Variants in DDAH1 observed in about 807,000 individuals in gnomAD.
The protein encoded by DDAH1 is dimethylarginine dimethylaminohydrolase 1.
Under a neutral mutation model 28.8 loss-of-function variants are expected in DDAH1, and 19 were observed. The ratio of observed to expected loss-of-function variants is 0.66; its 90% CI spans 0.46 to 0.97. The LOEUF is 0.97. Ranked by LOEUF, DDAH1 falls within the 50% of genes least tolerant of loss-of-function variation. The pLI, the probability that DDAH1 is intolerant of heterozygous loss-of-function variation, is 0.00. For missense variants in DDAH1, 326 were observed against 375.9 expected, an observed-to-expected ratio of 0.87 and a Z score of 1.10; for synonymous variants, 153 against 154.4, an observed-to-expected ratio of 0.99 and a Z score of 0.07.
chr1:85,490,149 G>A (rs568405287), intron 2 of DDAH1, among the ~76,000 whole-genome samples: 1 of 152,122 alleles, frequency 6.6e-6, no homozygotes, highest in South Asian at 2.1e-4. Flanking sequence ...ATTTAGTGCT[G>A]GAAAAGACTA....
chr1:85,450,490 A>T (rs1428030025), intron 1 of DDAH1, among the ~76,000 whole-genome samples: 1 of 152,192 alleles, frequency 6.6e-6, no homozygotes, highest in African/African-American at 2.4e-5. Context: ...TATTGGTCAA[A>T]TCTAGTCAAT....
At chr1:85,378,029 C>G (rs1277232574) in intron 1 of DDAH1, among the ~76,000 whole-genome samples, 1 of 152,090 alleles carries the variant, frequency 6.6e-6, no homozygotes, top group African/African-American at 2.4e-5. Flanking sequence ...TTCCTTATTT[C>G]AATCATATTT....
At chr1:85,511,374 A>G (rs1657226319) in intron 1 of DDAH1, among the ~76,000 whole-genome samples, 1 of 152,242 alleles carries the variant, frequency 6.6e-6, no homozygotes, top group Non-Finnish European at 1.5e-5. Context: ...AATTTATAGC[A>G]CTAAACGTCC....
At chr1:85,559,769 T>C (rs1396263478) in intron 1 of DDAH1, among the ~76,000 whole-genome samples, 4 of 149,424 alleles carry the variant, frequency 2.7e-5, no homozygotes, top group Non-Finnish European at 5.9e-5. Context: ...CATAGCAAAT[T>C]AGAATATACC....
intron 1 of DDAH1, among the ~76,000 whole-genome samples, chr1:85,499,220 T>C (rs1190830156): frequency 6.6e-6 from 1 of 152,160 alleles, no homozygotes; most frequent in Non-Finnish European, 1.5e-5. Flanking sequence ...AATATATATA[T>C]TTTTAATTTC....
At chr1:85,567,657 A>C (rs901281889) in intron 1 of DDAH1, among the ~76,000 whole-genome samples, 16 of 152,364 alleles carry the variant, frequency 1.1e-4, no homozygotes, top group Middle Eastern at 6.8e-3. Flanking sequence ...ATCACAGATG[A>C]GTCAATTTAT....
chr1:85,476,489 A>G (rs1407854617), intron 2 of DDAH1, among the ~76,000 whole-genome samples: 2 of 151,900 alleles, frequency 1.3e-5, no homozygotes, highest in African/African-American at 4.8e-5. Flanking sequence ...CCTGACCCCC[A>G]GCTCACCCCC....
chr1:85,453,455 C>A (rs1654754397), intron 1 of DDAH1, among the ~76,000 whole-genome samples: 1 of 152,196 alleles, frequency 6.6e-6, no homozygotes, highest in Non-Finnish European at 1.5e-5. Flanking sequence ...ACACTGTTTG[C>A]CTCTATCATT....
chr1:85,501,685 C>A (rs1407851949), intron 1 of DDAH1, among the ~76,000 whole-genome samples: 1 of 152,122 alleles, frequency 6.6e-6, no homozygotes, highest in Non-Finnish European at 1.5e-5. Flanking sequence ...ACAAGGTGAC[C>A]AAGGGTTTCA....
intron 1 of DDAH1, among the ~76,000 whole-genome samples, chr1:85,504,413 T>A (rs1367923247): frequency 1.3e-5 from 2 of 152,278 alleles, no homozygotes; most frequent in Non-Finnish European, 2.9e-5. Context: ...ACAATAGTCT[T>A]TGGCTGTGAT....
chr1:85,436,753 G>A lies in DDAH1; in HGVS notation c.303+27990C>T, dbSNP rs1653961928. On this transcript the variant is annotated intron_variant, in intron 1 of 5. Coordinates refer to ENST00000284031, the MANE Select transcript of DDAH1 (RefSeq NM_012137.4). ...CTCTATGGCCACACAGGCCATTACT[G>A]GTGGGAAGGGAGGCCCTGAAGGGAG... Among the ~76,000 whole-genome samples, 4 of 152,302 alleles carry A rather than the reference G, an allele frequency of 2.6e-5. No individual in the cohort carries two copies. The South Asian group carries it at 8.3e-4, about 32-fold the overall frequency.
chr1:85,375,682 G>A (rs897540154), intron 1 of DDAH1, among the ~76,000 whole-genome samples: 1 of 152,020 alleles, frequency 6.6e-6, no homozygotes, highest in African/African-American at 2.4e-5. Context: ...TACTCTTTCT[G>A]TGCCCTTTAT....
intron 1 of DDAH1, among the ~76,000 whole-genome samples, chr1:85,362,066 G>A (rs542667020): frequency 9.3e-4 from 142 of 152,144 alleles, no homozygotes; most frequent in Middle Eastern, 6.8e-3. Flanking sequence ...TGTTTCTTGT[G>A]TTTTATCCCT....
intron 1 of DDAH1, among the ~76,000 whole-genome samples, chr1:85,575,677 G>A (rs1432057866): frequency 2.0e-5 from 3 of 152,138 alleles, no homozygotes; most frequent in Non-Finnish European, 4.4e-5. Flanking sequence ...GTTAAATAAA[G>A]GTAAATTTCC....
Position 85,324,772 on chromosome 1 carries a change from G to A in DDAH1, c.709C>T (p.Arg237Ter), listed in dbSNP as rs754309956. Residue 237 changes from arginine to a stop codon, truncating the protein, a stop_gained, in exon 5 of 6, where the codon CGA becomes TGA. Transcript: ENST00000284031. LOFTEE classifies it high-confidence loss of function. Reference protein sequence around the residue: ...IPNKGHVLLHRTPEEYPESAK... With the variant: ...IPNKGHVLLH ...CTTTCTGGATACTCTTCCGGGGTTC[G>A]GTGCAGCAAGACGTGCCCTTTGTTG... 3 of 1,614,038 alleles carry A rather than the reference G, an allele frequency of 1.9e-6. No individual in the cohort carries two copies. The highest frequency in any genetic ancestry group is 2.5e-6 in the Non-Finnish European group (3 of 1,180,002).
At chr1:85,340,790 G>A (rs1648428880) in intron 4 of DDAH1, among the ~76,000 whole-genome samples, 1 of 151,968 alleles carries the variant, frequency 6.6e-6, no homozygotes, top group Admixed American at 6.6e-5. Flanking sequence ...GTCCCCCACA[G>A]CCCACAGATA....
At chr1:85,562,323 G>T (rs144866092) in intron 1 of DDAH1, among the ~76,000 whole-genome samples, 233 of 152,208 alleles carry the variant, frequency 1.5e-3, no homozygotes, top group Middle Eastern at 3.4e-3. Flanking sequence ...AACTAATAAT[G>T]CAGGGCATTT....
intron 1 of DDAH1, among the ~76,000 whole-genome samples, chr1:85,544,566 G>C (rs977911584): frequency 6.6e-6 from 1 of 152,058 alleles, no homozygotes; most frequent in African/African-American, 2.4e-5. Context: ...CAGACACCCA[G>C]AAGGCTTCTC....
chr1:85,554,978 C>T (rs1186057998), intron 1 of DDAH1, among the ~76,000 whole-genome samples: 1 of 152,152 alleles, frequency 6.6e-6, no homozygotes, highest in Non-Finnish European at 1.5e-5. Context: ...TGCTAAGTCC[C>T]TTTTTAAATG....
Sources: allele counts gnomAD v4.1 joint callset (sites outside exome capture counted in the v4.1 genomes callset), GRCh38; gene constraint gnomAD v4.1.1; transcripts MANE v1.5; gene names NCBI Gene and HGNC (gene_info 2026-07-23, HGNC 2026-07-21).